The following CFAP141 variants were observed in gnomAD, a reference collection of about 807,000 sequenced individuals.
CFAP141 encodes the protein cilia- and flagella-associated protein 141.
chr1:154,199,465 T>G, the CFAP141 span: 24 of 1,613,180 alleles, frequency 1.5e-5, no homozygotes, highest in Non-Finnish European at 2.0e-5. Context: ...CCCATCTGAT[T>G]TAGTTCCTGC....
At chr1:154,201,598 C>T in the CFAP141 span, among the ~76,000 whole-genome samples, 8 of 151,462 alleles carry the variant, frequency 5.3e-5, no homozygotes, top group Non-Finnish European at 8.8e-5. Flanking sequence ...GTGTTGGCCA[C>T]GCTGGTGTCG....
the CFAP141 span, chr1:154,200,458 C>G: frequency 4.3e-6 from 7 of 1,614,048 alleles, no homozygotes; most frequent in Admixed American, 3.3e-5. Flanking sequence ...CTAGAACTCA[C>G]CATTAGTAGT....
At chr1:154,200,691 T>C in the CFAP141 span, 12 of 1,202,504 alleles carry the variant, frequency 1.0e-5, no homozygotes, top group Admixed American at 4.7e-5. Flanking sequence ...TTTTCTTTTC[T>C]TTTTTTTTGA....
At chr1:154,206,126 G>A in the CFAP141 span, 2 of 797,868 alleles carry the variant, frequency 2.5e-6, no homozygotes. Context: ...TACCTACTGT[G>A]TACTAGACAC....
chr1:154,199,623 T>G, the CFAP141 span: 1 of 840,684 alleles, frequency 1.2e-6, no homozygotes. Flanking sequence ...ATTTGTGTTC[T>G]CTTGGAGCTG....
chr1:154,205,455 G>A, the CFAP141 span: 2 of 769,276 alleles, frequency 2.6e-6, no homozygotes, highest in East Asian at 2.5e-5. Flanking sequence ...TTGAGGACAA[G>A]GCTGCTTCTC....
At chr1:154,205,843 A>T in the CFAP141 span, among the ~76,000 whole-genome samples, 1 of 152,122 alleles carries the variant, frequency 6.6e-6, no homozygotes, top group African/African-American at 2.4e-5. Flanking sequence ...AGCTGAGATT[A>T]TAGGAATGCA....
chr1:154,202,669 C>T, the CFAP141 span, among the ~76,000 whole-genome samples: 1 of 151,502 alleles, frequency 6.6e-6, no homozygotes, highest in African/African-American at 2.4e-5. Flanking sequence ...GGCGCAGTGG[C>T]GGGTGCCTGT....
At chr1:154,203,920 G>A in the CFAP141 span, among the ~76,000 whole-genome samples, 1 of 151,976 alleles carries the variant, frequency 6.6e-6, no homozygotes, top group Non-Finnish European at 1.5e-5. Flanking sequence ...GTGAAACTCC[G>A]ACTCTACTGA....
At chr1:154,201,525 C>T in the CFAP141 span, among the ~76,000 whole-genome samples, 1 of 150,468 alleles carries the variant, frequency 6.6e-6, no homozygotes, top group African/African-American at 2.4e-5. Flanking sequence ...GTCGCTGGGA[C>T]TACAGGCATG....
the CFAP141 span, among the ~76,000 whole-genome samples, chr1:154,205,002 C>T: frequency 3.9e-5 from 6 of 152,072 alleles, no homozygotes; most frequent in African/African-American, 1.4e-4. Context: ...CTGCCTCAGC[C>T]TCCCGAGTAG....
chr1:154,204,314 C>T, the CFAP141 span, among the ~76,000 whole-genome samples: 4 of 152,220 alleles, frequency 2.6e-5, no homozygotes, highest in East Asian at 7.7e-4. Flanking sequence ...GTTCTTGTTT[C>T]TTCACATCCT....
chr1:154,203,812 C>T, the CFAP141 span, among the ~76,000 whole-genome samples: 1 of 152,142 alleles, frequency 6.6e-6, no homozygotes, highest in Non-Finnish European at 1.5e-5. Flanking sequence ...TGGTGGCTCA[C>T]GCCTATAATT....
At chr1:154,200,960 A>C in the CFAP141 span, among the ~76,000 whole-genome samples, 1 of 152,192 alleles carries the variant, frequency 6.6e-6, no homozygotes, top group African/African-American at 2.4e-5. Context: ...CTGGGATTAT[A>C]GGTGTGAGCC....
chr1:154,199,788 T>C, the CFAP141 span, among the ~76,000 whole-genome samples: 5 of 152,164 alleles, frequency 3.3e-5, no homozygotes, highest in Non-Finnish European at 7.3e-5. Flanking sequence ...GTAACTGGGA[T>C]ACAAAGATGG....
the CFAP141 span, chr1:154,206,294 T>G: frequency 2.5e-6 from 4 of 1,614,016 alleles, no homozygotes; most frequent in Admixed American, 3.3e-5. Flanking sequence ...TTTTGTCATC[T>G]TTTCCACAGA....
the CFAP141 span, among the ~76,000 whole-genome samples, chr1:154,205,182 C>A: frequency 6.6e-6 from 1 of 152,136 alleles, no homozygotes; most frequent in African/African-American, 2.4e-5. Flanking sequence ...CCGCGCCCGG[C>A]TGCATCAGTT....
At chr1:154,199,232 T>G in the CFAP141 span, 3 of 482,446 alleles carry the variant, frequency 6.2e-6, no homozygotes, top group Non-Finnish European at 7.4e-6. Flanking sequence ...TTACTGTTGT[T>G]TCATAGATTG....
the CFAP141 span, among the ~76,000 whole-genome samples, chr1:154,205,044 G>C: frequency 6.6e-6 from 1 of 150,978 alleles, no homozygotes; most frequent in East Asian, 2.0e-4. Context: ...ACCATGCCTG[G>C]CTAACTTCTT....
Sources: allele counts gnomAD v4.1 joint callset (sites outside exome capture counted in the v4.1 genomes callset), GRCh38; gene constraint gnomAD v4.1.1; transcripts MANE v1.5; gene names NCBI Gene and HGNC (gene_info 2026-07-23, HGNC 2026-07-21).